Variants in KAZN observed in about 807,000 individuals in gnomAD.
KAZN encodes the protein kazrin, periplakin interacting protein, also known as kazrin.
Under a neutral mutation model 87.4 loss-of-function variants are expected in KAZN, and 40 were observed. The observed-to-expected ratio is 0.46, with a 90% CI of 0.36 to 0.60. KAZN has a LOEUF of 0.60. Among genes scored for constraint, KAZN ranks in the 20% least tolerant of loss-of-function variants. The pLI, the probability that KAZN is intolerant of heterozygous loss-of-function variation, is 0.00. For synonymous variants in KAZN, 466 were observed against 458.3 expected, an observed-to-expected ratio of 1.02 and a Z score of -0.22; for missense variants, 898 against 1,073.9, an observed-to-expected ratio of 0.84 and a Z score of 2.29.
intron 1 of KAZN, among the ~76,000 whole-genome samples, chr1:14,834,020 T>C (rs1014102459): frequency 1.3e-4 from 18 of 143,876 alleles, no homozygotes; most frequent in African/African-American, 3.8e-4. Context: ...TACACACACA[T>C]ACATACATAT....
intron 2 of KAZN, among the ~76,000 whole-genome samples, chr1:14,373,515 G>A (rs570681901): frequency 8.3e-4 from 127 of 152,290 alleles, no homozygotes; most frequent in African/African-American, 2.8e-3. Flanking sequence ...GCTTAAGTGA[G>A]TCCAATCAAG....
chr1:14,178,628 C>A (rs1646133717), intron 1 of KAZN, among the ~76,000 whole-genome samples: 1 of 152,138 alleles, frequency 6.6e-6, no homozygotes, highest in Admixed American at 6.6e-5. Flanking sequence ...GTCTGAATAG[C>A]CATGTTTGCT....
At chr1:15,017,188 A>G (rs1670205999) in intron 2 of KAZN, among the ~76,000 whole-genome samples, 1 of 151,582 alleles carries the variant, frequency 6.6e-6, no homozygotes, top group Non-Finnish European at 1.5e-5. Flanking sequence ...ATCCCAGTCA[A>G]TCAGGAGGCT....
intron 2 of KAZN, among the ~76,000 whole-genome samples, chr1:14,360,764 C>G (rs375050146): frequency 2.3e-4 from 35 of 152,334 alleles, no homozygotes; most frequent in Middle Eastern, 3.4e-3. Context: ...CTATCACCAG[C>G]CAGGCTGCAG....
At chr1:14,551,024 A>C (rs1003325193) in intron 2 of KAZN, among the ~76,000 whole-genome samples, 12 of 151,896 alleles carry the variant, frequency 7.9e-5, no homozygotes, top group African/African-American at 2.9e-4. Flanking sequence ...ATATTACTTT[A>C]TCCAGCAAAT....
chr1:13,925,051 C>T (rs568798933), intron 1 of KAZN, among the ~76,000 whole-genome samples: 33 of 152,324 alleles, frequency 2.2e-4, no homozygotes, highest in African/African-American at 7.9e-4. Flanking sequence ...CATAGAACCC[C>T]ATACACTTTA....
At chr1:14,693,175 C>A (rs761138756) in intron 1 of KAZN, among the ~76,000 whole-genome samples, 5 of 152,170 alleles carry the variant, frequency 3.3e-5, no homozygotes, top group Non-Finnish European at 7.3e-5. Context: ...GTTGTTTTGG[C>A]TTTCGGACAA....
intron 2 of KAZN, among the ~76,000 whole-genome samples, chr1:14,481,674 G>A (rs1669090849): frequency 6.9e-6 from 1 of 144,038 alleles, no homozygotes; most frequent in Admixed American, 7.5e-5. Context: ...GTTCTTGATT[G>A]TTTAGGCAAA....
intron 1 of KAZN, among the ~76,000 whole-genome samples, chr1:14,953,540 C>T (rs897016483): frequency 8.5e-5 from 13 of 152,226 alleles, no homozygotes; most frequent in African/African-American, 2.4e-4. Context: ...GGATCTGCTT[C>T]ATGGAGCTAC....
intron 2 of KAZN, among the ~76,000 whole-genome samples, chr1:14,993,043 T>G (rs187534919): frequency 2.7e-5 from 4 of 150,208 alleles, no homozygotes; most frequent in African/African-American, 9.8e-5. Flanking sequence ...GCCTGGCTGG[T>G]CTCAAACTCC....
At chr1:14,419,841 C>T (rs1220184209) in intron 2 of KAZN, among the ~76,000 whole-genome samples, 1 of 152,136 alleles carries the variant, frequency 6.6e-6, no homozygotes, top group African/African-American at 2.4e-5. Context: ...GAAGTGAAGC[C>T]AGACACCTTT....
chr1:14,829,571 G>GA (rs923074653), intron 1 of KAZN, among the ~76,000 whole-genome samples: 1 of 152,218 alleles, frequency 6.6e-6, no homozygotes, highest in East Asian at 1.9e-4. Flanking sequence ...CTCTGTCTCT[G>GA]AAAAAAAGAA....
rs190217753 is a variant in KAZN at position 15,068,117 on chromosome 1, A to T, written c.1222+2364A>T. 704 of 902,976 alleles carry T rather than the reference A, an allele frequency of 7.8e-4. 3 individuals carry two copies. Among genetic ancestry groups the T allele is most frequent in the Middle Eastern group, 2.3e-3 (4 of 1,774 alleles). 55.9% of individuals were successfully genotyped at this position (902,976 alleles called of 1,614,324 possible). A position where few individuals can be genotyped will look rare whatever the true frequency, so the allele number is the denominator to read the frequency against. ...GGCATGGATGCAAATATAAAATATTAAAAAAAATCTAAATAAAGCTTATTT... is the reference window on the plus strand; with the variant it reads ...GGCATGGATGCAAATATAAAATATTTAAAAAAATCTAAATAAAGCTTATTT... On this transcript the variant is annotated intron_variant, in intron 8 of 14. Coordinates refer to ENST00000376030, the MANE Select transcript of KAZN (RefSeq NM_201628.3).
intron 1 of KAZN, among the ~76,000 whole-genome samples, chr1:14,811,133 A>C (rs927331039): frequency 9.9e-5 from 15 of 152,134 alleles, no homozygotes; most frequent in African/African-American, 3.1e-4. Flanking sequence ...GCCCTCCCCC[A>C]ACCGACAGCA....
intron 1 of KAZN, among the ~76,000 whole-genome samples, chr1:14,010,468 TG>T (rs1194554682): frequency 2.6e-5 from 4 of 152,176 alleles, no homozygotes; most frequent in Non-Finnish European, 1.5e-5. Flanking sequence ...CAGTCCGGTA[TG>T]GGAGGTGGGA....
intron 1 of KAZN, among the ~76,000 whole-genome samples, chr1:14,159,826 C>T (rs1433808937): frequency 6.6e-6 from 1 of 152,212 alleles, no homozygotes; most frequent in East Asian, 1.9e-4. Flanking sequence ...TCCAGGACTC[C>T]TTCCAGATGA....
At chr1:14,987,158 C>T (rs529920009) in intron 2 of KAZN, among the ~76,000 whole-genome samples, 3 of 152,168 alleles carry the variant, frequency 2.0e-5, no homozygotes, top group Non-Finnish European at 4.4e-5. Context: ...AATGGGAAGG[C>T]GCAGAAGAGA....
At chr1:14,507,081 G>A (rs1341422123) in intron 2 of KAZN, among the ~76,000 whole-genome samples, 1 of 152,154 alleles carries the variant, frequency 6.6e-6, no homozygotes, top group East Asian at 1.9e-4. Context: ...GAACAGATTG[G>A]CACTAAATAT....
intron 3 of KAZN, among the ~76,000 whole-genome samples, chr1:15,041,424 G>A (rs746909003): frequency 2.1e-5 from 3 of 145,146 alleles, no homozygotes; most frequent in East Asian, 2.0e-4. Context: ...TGCAACCTCC[G>A]CCTCCCAGGT....
Sources: gnomAD v4.1 joint callset for allele counts (sites outside exome capture counted in the v4.1 genomes callset) on GRCh38, gnomAD v4.1.1 for gene constraint, MANE v1.5 for transcripts, NCBI Gene and HGNC (gene_info 2026-07-23, HGNC 2026-07-21) for gene names.